Variants in GRIA1 observed in about 807,000 individuals in gnomAD.
GRIA1 encodes glutamate ionotropic receptor AMPA type subunit 1.
GRIA1 carries 31 observed loss-of-function variants against 99.2 expected under a neutral mutation model. That is an observed-to-expected ratio of 0.31 (90% CI 0.23 to 0.42). The LOEUF (loss-of-function observed/expected upper bound fraction) is 0.42. GRIA1 is among the 10% of genes least tolerant of loss of function. The probability of loss-of-function intolerance (pLI) is 1.00; values close to 1 mark genes in which losing one functional copy is unlikely to be tolerated. For missense variants in GRIA1, 782 were observed against 1,157.5 expected, an observed-to-expected ratio of 0.68 and a Z score of 4.71; for synonymous variants, 438 against 432.4, an observed-to-expected ratio of 1.01 and a Z score of -0.16.
intron 2 of GRIA1, among the ~76,000 whole-genome samples, chr5:153,540,047 G>C (rs1741000107): frequency 6.6e-6 from 1 of 152,242 alleles, no homozygotes; most frequent in African/African-American, 2.4e-5. Context: ...GAGGCCAGGT[G>C]CTTGGTAAGG....
intron 2 of GRIA1, among the ~76,000 whole-genome samples, chr5:153,577,874 G>A (rs143576355): frequency 6.6e-6 from 1 of 152,134 alleles, no homozygotes; most frequent in Admixed American, 6.5e-5. Flanking sequence ...AGATTCCCCA[G>A]GCACAGTGGC....
chr5:153,615,170 A>T (rs557893771), intron 2 of GRIA1, among the ~76,000 whole-genome samples: 1 of 152,358 alleles, frequency 6.6e-6, no homozygotes, highest in South Asian at 2.1e-4. Flanking sequence ...CTCAACAGAC[A>T]TTTATTTAGT....
chr5:153,624,303 C>G (rs1253952457), intron 2 of GRIA1, among the ~76,000 whole-genome samples: 1 of 152,208 alleles, frequency 6.6e-6, no homozygotes, highest in Non-Finnish European at 1.5e-5. Flanking sequence ...CGTGACTCAG[C>G]ACAGCACACC....
chr5:153,770,085 G>T (rs573473510), intron 12 of GRIA1, 83 bp from the exon 13 acceptor site: 2 of 1,368,492 alleles, frequency 1.5e-6, no homozygotes, highest in South Asian at 1.3e-5. Context: ...GTGTGATCAA[G>T]CTACACTCAG....
chr5:153,794,924 C>T (rs1765550605), intron 14 of GRIA1, among the ~76,000 whole-genome samples, 189 bp downstream of exon 14: 1 of 152,150 alleles, frequency 6.6e-6, no homozygotes, highest in African/African-American at 2.4e-5. Flanking sequence ...TCCAAGGGGC[C>T]TTCTGGTTTA....
At chr5:153,758,714 G>A (rs1364383017) in intron 11 of GRIA1, among the ~76,000 whole-genome samples, 1 of 151,814 alleles carries the variant, frequency 6.6e-6, no homozygotes, top group East Asian at 1.9e-4. Context: ...AGACCAAATG[G>A]ACCTAACATA....
intron 13 of GRIA1, among the ~76,000 whole-genome samples, chr5:153,781,252 T>C (rs1489924443): frequency 1.3e-5 from 2 of 152,104 alleles, no homozygotes; most frequent in Non-Finnish European, 2.9e-5. Context: ...TTTGCATATA[T>C]TATTCATCCT....
At chr5:153,762,526 CT>C (rs1284373783) in intron 11 of GRIA1, among the ~76,000 whole-genome samples, 4 of 152,190 alleles carry the variant, frequency 2.6e-5, no homozygotes, top group African/African-American at 9.7e-5. Flanking sequence ...GATTTTGCCC[CT>C]TTGTAACTAT....
Position 153,616,421 on chromosome 5 carries a change from G to A in GRIA1, c.221-30507G>A, listed in dbSNP as rs59145891. Reference sequence around the variant, plus strand: ...GCTTCCCTGAGCCACTTTGGAAGAAGAATTGTCTTGGGCCACACATAAAAT... The same window carrying A: ...GCTTCCCTGAGCCACTTTGGAAGAAAAATTGTCTTGGGCCACACATAAAAT... On this transcript the variant is annotated intron_variant, in intron 2 of 15. Transcript: ENST00000285900. Among the ~76,000 whole-genome samples the A allele has an allele frequency of 6.2e-3, 935 of 151,786 alleles. 11 individuals carry two copies. Among genetic ancestry groups the A allele is most frequent in the African/African-American group, 0.021 (861 of 41,378 alleles).
chr5:153,722,819 C>CA (rs1760177596), intron 11 of GRIA1, among the ~76,000 whole-genome samples: 1 of 152,140 alleles, frequency 6.6e-6, no homozygotes, highest in Non-Finnish European at 1.5e-5. Context: ...AAAATGTCTG[C>CA]AGTGTTTTCT....
chr5:153,618,762 G>A (rs1294425894), intron 2 of GRIA1, among the ~76,000 whole-genome samples: 2 of 152,152 alleles, frequency 1.3e-5, no homozygotes, highest in African/African-American at 2.4e-5. Flanking sequence ...AAAGAGAATA[G>A]AAAGAAGTAT....
chr5:153,569,742 A>G (rs930611893), intron 2 of GRIA1, among the ~76,000 whole-genome samples: 4 of 152,158 alleles, frequency 2.6e-5, no homozygotes, highest in Admixed American at 6.6e-5. Context: ...GCATTGAACT[A>G]TTAAGATTCC....
chr5:153,673,611 C>T (rs1756357910), intron 5 of GRIA1, among the ~76,000 whole-genome samples: 3 of 152,204 alleles, frequency 2.0e-5, no homozygotes, highest in Admixed American at 2.0e-4. Context: ...GTTACTAACT[C>T]CCTAAATGAC....
intron 2 of GRIA1, among the ~76,000 whole-genome samples, chr5:153,596,403 C>T (rs191562877): frequency 3.9e-5 from 6 of 152,330 alleles, no homozygotes; most frequent in African/African-American, 1.4e-4. Context: ...TACATTGTGG[C>T]TTCCAGCTGA....
At chr5:153,525,381 A>G (rs1238233181) in intron 2 of GRIA1, 1 of 152,166 alleles carries the variant, frequency 6.6e-6, no homozygotes, top group African/African-American at 2.4e-5. Context: ...TCTGGGCTAA[A>G]ATGTCAATAA....
At chr5:153,677,206 G>A in intron 7 of GRIA1, 45 bp downstream of exon 7, 2 of 1,337,490 alleles carry the variant, frequency 1.5e-6, no homozygotes, top group South Asian at 2.4e-5. Flanking sequence ...GCCTACTGGG[G>A]GATTTCAGCA....
At chr5:153,511,355 A>G (rs1159363529) in intron 2 of GRIA1, among the ~76,000 whole-genome samples, 1 of 152,184 alleles carries the variant, frequency 6.6e-6, no homozygotes, top group Non-Finnish European at 1.5e-5. Flanking sequence ...TCATGCTTTT[A>G]TACTTGTGGC....
At position 153,677,160 on chromosome 5, in the gene GRIA1, A is replaced by T; in HGVS notation, c.1028A>T (p.Gln343Leu). The T allele has an allele frequency of 6.8e-7, 1 of 1,467,986 alleles. No individual in the cohort carries two copies. Among genetic ancestry groups the T allele is most frequent in the Non-Finnish European group, 9.1e-7 (1 of 1,096,576 alleles). 90.9% of individuals were successfully genotyped at this position (1,467,986 alleles called of 1,614,324 possible). A position where few individuals can be genotyped will look rare whatever the true frequency, so the allele number is the denominator to read the frequency against. ...QGIDIQRALQ[Q>L]VRFEGLTGNV... ...ATCGACATCCAGAGAGCTCTGCAGC[A>T]GGTAAGACCACCAATGTTTGCCCCA... The change falls in exon 7 of 16, where the codon CAG (glutamine) becomes CTG (leucine). Residue 343 changes from glutamine to leucine, a missense_variant and splice_region_variant. Coordinates refer to ENST00000285900, the MANE Select transcript of GRIA1 (RefSeq NM_000827.4).
chr5:153,515,263 T>C (rs925002065), intron 2 of GRIA1, among the ~76,000 whole-genome samples: 2 of 152,162 alleles, frequency 1.3e-5, no homozygotes. Context: ...AAAAATGTGG[T>C]ATTGCTACAT....
Sources: allele counts gnomAD v4.1 joint callset (sites outside exome capture counted in the v4.1 genomes callset), GRCh38; gene constraint gnomAD v4.1.1; transcripts MANE v1.5; gene names NCBI Gene and HGNC (gene_info 2026-07-23, HGNC 2026-07-21).